BRD8: variants seen among roughly 807,000 people sequenced by gnomAD.
BRD8 encodes the protein bromodomain-containing protein 8.
BRD8 carries 67 observed loss-of-function variants against 143.1 expected under a neutral mutation model. The observed-to-expected ratio is 0.47, with a 90% CI of 0.38 to 0.57. The LOEUF (loss-of-function observed/expected upper bound fraction) is 0.57, where lower values mean the gene tolerates loss of function less well. Among genes scored for constraint, BRD8 ranks in the 20% least tolerant of loss-of-function variants. The pLI, the probability that BRD8 is intolerant of heterozygous loss-of-function variation, is 0.00. For missense variants in BRD8, 1,103 were observed against 1,503.0 expected, an observed-to-expected ratio of 0.73 and a Z score of 4.40; for synonymous variants, 505 against 517.1, an observed-to-expected ratio of 0.98 and a Z score of 0.32.
In BRD8 at chr5:138,140,081, A is replaced by C. The variant is rs751291624; in HGVS notation, c.3701T>G (p.Val1234Gly). The C allele has an allele frequency of 2.5e-6, 4 of 1,612,956 alleles. No individual in the cohort carries two copies. Among genetic ancestry groups the C allele is most frequent in the Non-Finnish European group, 8.5e-7 (1 of 1,178,964 alleles). Residue 1234 changes from valine (V) to glycine (G), a missense_variant, in exon 27 of 27, where the codon GTT becomes GGT. Val to Gly is a moderately radical substitution (Grantham distance 109). Around this residue, in one of 7 missense-constraint regions of BRD8, gnomAD observed 369 missense variants for 445.5 expected, o/e 0.83. Transcript: ENST00000254900. ...CAGGATAGCAGCTCCAGGTTAGAAA[A>C]CAGGTTTTCCATCATCCACTGGGTT... is the stretch of plus-strand genomic sequence containing the variant. Reference protein sequence around the residue: ...PANPVDDGKPVF With the variant: ...PANPVDDGKPGF
intron 15 of BRD8, among the ~76,000 whole-genome samples, chr5:138,162,890 A>G (rs974172874): frequency 3.9e-5 from 6 of 151,910 alleles, no homozygotes; most frequent in African/African-American, 9.7e-5. Context: ...AGTCCCAGCT[A>G]CTAAGGAGGC....
chr5:138,149,129 A>G (rs1029906056), intron 23 of BRD8, among the ~76,000 whole-genome samples: 8 of 151,666 alleles, frequency 5.3e-5, no homozygotes, highest in African/African-American at 1.9e-4. Flanking sequence ...TATTAGCTCC[A>G]TCACCCAGGC....
chr5:138,149,963 G>A (rs1752314306), intron 22 of BRD8, among the ~76,000 whole-genome samples, 166 bp from the exon 23 acceptor site: 1 of 152,156 alleles, frequency 6.6e-6, no homozygotes, highest in African/African-American at 2.4e-5. Context: ...TTAAGTTAAT[G>A]AGTTCTTGGT....
intron 25 of BRD8, among the ~76,000 whole-genome samples, chr5:138,144,624 T>C (rs1190647131): frequency 6.6e-6 from 1 of 152,156 alleles, no homozygotes; most frequent in Non-Finnish European, 1.5e-5. Flanking sequence ...ATGATCAGGC[T>C]GGACACCAAG....
In BRD8 at chr5:138,149,686, T is replaced by A. The variant is rs1376600702; in HGVS notation, c.3232A>T (p.Thr1078Ser). The change falls in exon 23 of 27, where the codon ACT becomes TCT. Residue 1078 changes from threonine (T) to serine (S), a missense_variant. Physicochemically the swap from Thr to Ser is moderately conservative, Grantham distance 58 (BLOSUM62 1). This residue lies in a region of BRD8 where 369 missense variants were observed against 445.5 expected (regional missense o/e 0.83). Transcript: ENST00000254900. ...ECDDAFNIKETPLVDTLFSHA... is the reference protein window; with the variant it reads ...ECDDAFNIKESPLVDTLFSHA... ...CTGAAAAGTGTATCCACCAAGGGAGTCTCCTTAATGTTAAAGGCATCATCA... is the reference window on the plus strand; with the variant it reads ...CTGAAAAGTGTATCCACCAAGGGAGACTCCTTAATGTTAAAGGCATCATCA... 1.2e-6 allele frequency: 2 copies of A among 1,611,662 alleles called. No individual in the cohort carries two copies. The highest frequency in any genetic ancestry group is 8.5e-7 in the Non-Finnish European group (1 of 1,179,122).
chr5:138,150,780 A>C lies in BRD8; in HGVS notation c.3085T>G (p.Cys1029Gly), dbSNP rs1314198608. The C allele has an allele frequency of 6.2e-7, 1 of 1,613,940 alleles. No individual in the cohort carries two copies. Among genetic ancestry groups the C allele is most frequent in the Non-Finnish European group, 8.5e-7 (1 of 1,180,008 alleles). Residue 1029 changes from cysteine (C) to glycine (G), a missense_variant, in exon 22 of 27, where the codon TGT becomes GGT. Cys to Gly is a radical substitution (Grantham distance 159). This residue lies in a region of BRD8 where 369 missense variants were observed against 445.5 expected (regional missense o/e 0.83). Coordinates refer to ENST00000254900, the MANE Select transcript of BRD8 (RefSeq NM_139199.2). ...TCTGTGAGTAGTCCCTGAACTGTAC[A>C]AATAACTGAGGGAGCTGAAGCCACC... ...PEVASAPSVICTVQGLLTESE... is the reference protein window; with the variant it reads ...PEVASAPSVIGTVQGLLTESE...
At chr5:138,144,912 A>ATATATAT (rs1264815360) in intron 25 of BRD8, among the ~76,000 whole-genome samples, 245 of 143,486 alleles carry the variant, frequency 1.7e-3, no homozygotes, top group African/African-American at 5.8e-3. Context: ...AAAAAAAAAA[A>ATATATAT]AAAAAAATAT....
At position 138,163,200 on chromosome 5, in the gene BRD8, T is replaced by C. The variant is rs141585213; in HGVS notation, c.2017A>G (p.Ile673Val). 5.1e-5 allele frequency: 82 copies of C among 1,614,158 alleles called. No individual in the cohort carries two copies. In the African/African-American group the frequency reaches 1.0e-3, roughly 20 times the overall value. ...PVSESDDGFS[I>V]HNATLQSHTL... ...TGTGACTGCAGTGTAGCATTGTGTA[T>C]GCTGAAGCCATCATCACTCTCGCTC... Residue 673 changes from isoleucine (I) to valine (V), a missense_variant, in exon 15 of 27, where the codon ATA becomes GTA. Ile to Val is a conservative substitution (Grantham distance 29). Coordinates refer to ENST00000254900, the MANE Select transcript of BRD8 (RefSeq NM_139199.2).
chr5:138,172,184 G>C, intron 2 of BRD8, 50 bp from the exon 3 acceptor site: 1 of 1,433,128 alleles, frequency 7.0e-7, no homozygotes, highest in Non-Finnish European at 9.8e-7. Flanking sequence ...AACAATAGGA[G>C]AGGTATGCTG....
At chr5:138,165,288 G>A (rs1753309560) in intron 11 of BRD8, 122 bp from the exon 12 acceptor site, 1 of 1,073,056 alleles carries the variant, frequency 9.3e-7, no homozygotes, top group South Asian at 1.5e-5. Context: ...TCCATGTAGT[G>A]GAGGCAAACA....
At chr5:138,141,177 C>T (rs1011369184) in intron 25 of BRD8, among the ~76,000 whole-genome samples, 3 of 151,602 alleles carry the variant, frequency 2.0e-5, no homozygotes, top group Admixed American at 6.6e-5. Flanking sequence ...TTGCCCAGGC[C>T]GGAGTGCAAT....
rs567877539 is a variant in BRD8, at chr5:138,155,461, A to T, written c.2578-2701T>A. On this transcript the variant is annotated intron_variant, in intron 20 of 26. Transcript: ENST00000254900. Reference sequence around the variant, plus strand: ...TGAAACTCCGAATTTAAAAAAAAAAAAAAAGTTTAGTTGGCCAGGAGCAGT... The same window carrying T: ...TGAAACTCCGAATTTAAAAAAAAAATAAAAGTTTAGTTGGCCAGGAGCAGT... Among the ~76,000 whole-genome samples, 4 of 151,802 alleles carry T rather than the reference A, an allele frequency of 2.6e-5. No individual in the cohort carries two copies. In the South Asian group the frequency reaches 8.3e-4, roughly 32 times the overall value.
In BRD8 at chr5:138,160,097, G is replaced by C; in HGVS notation, c.2504C>G (p.Ser835Cys). 6 of 1,614,106 alleles carry C rather than the reference G, an allele frequency of 3.7e-6. No homozygotes were observed. Among genetic ancestry groups the C allele is most frequent in the Non-Finnish European group, 5.1e-6 (6 of 1,179,978 alleles). The change falls in exon 19 of 27, where the codon TCT becomes TGT. Residue 835 changes from serine (S) to cysteine (C), a missense_variant. Ser to Cys is a moderately radical substitution (Grantham distance 112). Coordinates refer to ENST00000254900, the MANE Select transcript of BRD8 (RefSeq NM_139199.2). ...CTCTGAAGCATCCTGTTTGCGGGTA[G>C]AATCTCTCCCTCGAAGACTTTTAGC... The part of the protein sequence containing the change: ...ISAKSLRGRD[S>C]TRKQDASEKD...
chr5:138,142,292 T>C (rs1751940077), intron 25 of BRD8, among the ~76,000 whole-genome samples: 1 of 152,176 alleles, frequency 6.6e-6, no homozygotes, highest in South Asian at 2.1e-4. Flanking sequence ...GATCTTGCAC[T>C]TCCCAGCCTC....
chr5:138,161,962 C>G lies in BRD8; in HGVS notation c.2180+92G>C. 3.2e-6 allele frequency: 5 copies of G among 1,546,826 alleles called. No individual in the cohort carries two copies. The South Asian group carries it at 5.6e-5, about 17-fold the overall frequency. On this transcript the variant is annotated intron_variant, in intron 16 of 26. Coordinates refer to ENST00000254900, the MANE Select transcript of BRD8 (RefSeq NM_139199.2). The stretch of plus-strand genomic sequence containing the variant: ...TAAAGGTAGTAAGAACTAATACCAG[C>G]AGTTCCACAGAAGCCTACTCAGACT...
At chr5:138,162,230 C>CAAA in intron 15 of BRD8, 84 bp from the exon 16 acceptor site, 4 of 1,074,504 alleles carry the variant, frequency 3.7e-6, no homozygotes, top group Non-Finnish European at 5.4e-6. Flanking sequence ...GACAGGGTCT[C>CAAA]ACTCTGTCCC....
intron 20 of BRD8, among the ~76,000 whole-genome samples, chr5:138,158,925 T>C (rs569989300): frequency 6.6e-6 from 1 of 151,994 alleles, no homozygotes; most frequent in Non-Finnish European, 1.5e-5. Context: ...ACCACTCCGC[T>C]GCACAGCTAG....
intron 2 of BRD8, among the ~76,000 whole-genome samples, chr5:138,176,443 G>A (rs115333088): frequency 0.018 from 2,678 of 152,120 alleles, 52 homozygotes; most frequent in African/African-American, 0.051. Context: ...CACTCGTGGC[G>A]CATGGCTGTA....
chr5:138,175,697 T>TAAA (rs11369426), intron 2 of BRD8, among the ~76,000 whole-genome samples: 2 of 139,036 alleles, frequency 1.4e-5, no homozygotes, highest in Non-Finnish European at 3.1e-5. Flanking sequence ...ATATTTAAAT[T>TAAA]AAAAAAAAAA....
Sources: allele counts gnomAD v4.1 joint callset (sites outside exome capture counted in the v4.1 genomes callset), GRCh38; gene constraint gnomAD v4.1.1; regional missense constraint gnomAD v4.1.1; transcripts MANE v1.5; gene names NCBI Gene and HGNC (gene_info 2026-07-23, HGNC 2026-07-21).